C3orf20: variants seen among roughly 807,000 people sequenced by gnomAD.
C3orf20 encodes family with sequence similarity 149 member C.
A neutral mutation model predicts 88.3 loss-of-function variants in C3orf20; 76 were observed. That is an observed-to-expected ratio of 0.86 (90% CI 0.72 to 1.04). The LOEUF (loss-of-function observed/expected upper bound fraction) is 1.04. C3orf20 is among the 50% of genes least tolerant of loss of function. The probability of loss-of-function intolerance (pLI) is 0.00; values close to 1 mark genes in which losing one functional copy is unlikely to be tolerated. For synonymous variants in C3orf20, 436 were observed against 437.4 expected, an observed-to-expected ratio of 1.00 and a Z score of 0.04; for missense variants, 1,056 against 1,123.3, an observed-to-expected ratio of 0.94 and a Z score of 0.86.
chr3:14,759,973 A>G lies in C3orf20; in HGVS notation c.2327A>G (p.Asn776Ser), dbSNP rs2035507715. ...GACCCTCCCCTGATGGTGAAGAAGA[A>G]CTCTGTGGTGCAGGGGATGATTCTG... Reference protein sequence around the residue: ...QEDPPLMVKKNSVVQGMILMF... With the variant: ...QEDPPLMVKKSSVVQGMILMF... The change falls in exon 14 of 17, where the codon AAC (asparagine) becomes AGC (serine). Residue 776 changes from asparagine (N) to serine (S), a missense_variant. Transcript: ENST00000253697. 3 of 1,613,828 alleles carry G rather than the reference A, an allele frequency of 1.9e-6. No homozygotes were observed. In the African/African-American group the frequency reaches 4.0e-5, roughly 22 times the overall value.
intron 10 of C3orf20, among the ~76,000 whole-genome samples, chr3:14,723,625 C>T (rs745484722): frequency 2.0e-5 from 3 of 152,154 alleles, no homozygotes; most frequent in Non-Finnish European, 4.4e-5. Context: ...CGGAGAAACA[C>T]AGGTGCCTGT....
chr3:14,757,029 G>A (rs2035394322), intron 12 of C3orf20, among the ~76,000 whole-genome samples: 1 of 152,176 alleles, frequency 6.6e-6, no homozygotes, highest in Admixed American at 6.5e-5. Flanking sequence ...GAGGAAAAGT[G>A]GTCAGATTGT....
chr3:14,704,648 C>T (rs943411852), intron 7 of C3orf20, 30 bp downstream of exon 7: 1 of 1,603,994 alleles, frequency 6.2e-7, no homozygotes, highest in African/African-American at 1.3e-5. Flanking sequence ...CACCCTATCT[C>T]CCCAGCTACT....
At chr3:14,764,616 A>G (rs2035652242) in intron 15 of C3orf20, among the ~76,000 whole-genome samples, 1 of 151,982 alleles carries the variant, frequency 6.6e-6, no homozygotes, top group African/African-American at 2.4e-5. Context: ...TCTGTCATAC[A>G]GTTACAGTCA....
rs182827311 is a variant in C3orf20, at chr3:14,728,323, C to G, written c.1691-116C>G. Reference sequence around the variant, plus strand: ...GGAGGTGCCGGAGAATCAATGAGAGCGGAGGGGAGGAGATGGGGGTGAGCC... The same window carrying G: ...GGAGGTGCCGGAGAATCAATGAGAGGGGAGGGGAGGAGATGGGGGTGAGCC... On this transcript the variant is annotated intron_variant, in intron 11 of 16. Coordinates refer to ENST00000253697, the MANE Select transcript of C3orf20 (RefSeq NM_032137.5). 6.2e-4 allele frequency: 766 copies of G among 1,228,218 alleles called. 12 individuals are homozygous for G. Among genetic ancestry groups the G allele is most frequent in the Non-Finnish European group, 5.6e-5 (48 of 855,258 alleles). 76.1% of individuals were successfully genotyped at this position (1,228,218 alleles called of 1,614,324 possible). A position where few individuals can be genotyped will look rare whatever the true frequency, so the allele number is the denominator to read the frequency against.
Position 14,726,884 on chromosome 3 carries a change from C to T in C3orf20, c.1567-17C>T, listed in dbSNP as rs1341851551. The T allele has an allele frequency of 3.7e-6, 6 of 1,613,802 alleles. No homozygotes were observed. Among genetic ancestry groups the T allele is most frequent in the South Asian group, 2.2e-5 (2 of 91,056 alleles). On this transcript the variant is annotated splice_polypyrimidine_tract_variant and intron_variant, in intron 10 of 16. Transcript: ENST00000253697. ...GAGGGGATGGTGACACCCGCCCTCC[C>T]CTTTGCCCCTCTCCAGCTGAACCGC... is the stretch of plus-strand genomic sequence containing the variant.
intron 13 of C3orf20, 43 bp downstream of exon 13, chr3:14,757,717 G>T (rs767311240): frequency 3.2e-6 from 5 of 1,563,128 alleles, no homozygotes; most frequent in Non-Finnish European, 4.3e-6. Context: ...GCCAGGGGCA[G>T]GGGTAGTGGG....
At chr3:14,743,186 G>A (rs1056976075) in intron 12 of C3orf20, among the ~76,000 whole-genome samples, 2 of 151,992 alleles carry the variant, frequency 1.3e-5, no homozygotes, top group Non-Finnish European at 2.9e-5. Context: ...AAGCAAGCTA[G>A]CTACTTCCTA....
At chr3:14,680,689 A>T (rs1398873384) in intron 1 of C3orf20, among the ~76,000 whole-genome samples, 1 of 152,266 alleles carries the variant, frequency 6.6e-6, no homozygotes, top group Admixed American at 6.5e-5. Context: ...TGTAAGATAT[A>T]TCTTCAAAAT....
In C3orf20 at chr3:14,721,744, C is replaced by T. The variant is rs199757799; in HGVS notation, c.1526C>T (p.Ser509Leu). The T allele has an allele frequency of 3.1e-4, 496 of 1,614,170 alleles. No homozygotes were observed. Among genetic ancestry groups the T allele is most frequent in the Middle Eastern group, 1.5e-3 (9 of 6,062 alleles). The change falls in exon 10 of 17, where the codon TCG (serine) becomes TTG (leucine). Residue 509 changes from serine (S) to leucine (L), a missense_variant. Ser to Leu is a moderately radical substitution (Grantham distance 145). Coordinates refer to ENST00000253697, the MANE Select transcript of C3orf20 (RefSeq NM_032137.5). ...AATGAGACAGTAACACTCACTGTGT[C>T]GGCCAACAATTGTCCCCATGGAATG... ...SLNETVTLTV[S>L]ANNCPHGMAY... is the part of the protein sequence containing the mutation.
At chr3:14,690,181 C>A (rs975992816) in intron 5 of C3orf20, 65 bp downstream of exon 5, 1 of 1,607,046 alleles carries the variant, frequency 6.2e-7, no homozygotes, top group African/African-American at 1.3e-5. Context: ...GATAGGTTTC[C>A]GTCTACCCTG....
intron 10 of C3orf20, among the ~76,000 whole-genome samples, chr3:14,724,507 G>C (rs2034280754): frequency 6.6e-6 from 1 of 152,318 alleles, no homozygotes; most frequent in East Asian, 1.9e-4. Flanking sequence ...GTCTAGAGCT[G>C]TGCTGTCCAA....
intron 12 of C3orf20, among the ~76,000 whole-genome samples, chr3:14,740,071 A>G (rs2034855456): frequency 6.6e-6 from 1 of 152,266 alleles, no homozygotes; most frequent in Non-Finnish European, 1.5e-5. Context: ...TCCTTCATGA[A>G]CTTTTTCTTT....
chr3:14,693,902 G>C (rs1449123122), intron 5 of C3orf20, among the ~76,000 whole-genome samples: 1 of 152,104 alleles, frequency 6.6e-6, no homozygotes, highest in East Asian at 1.9e-4. Flanking sequence ...TATCATGAAG[G>C]GATGTTGAAT....
rs1165851672 is a variant in C3orf20 at position 14,772,932 on chromosome 3, T to C, written c.*57T>C. ...CCCCGGCCCGGGGTGCTGGGGCTTC[T>C]TGCCAGCCCAGCCCTGCCTCCCCGG... is the stretch of plus-strand genomic sequence containing the variant. On this transcript the variant is annotated 3_prime_UTR_variant, in exon 17 of 17. Coordinates refer to ENST00000253697, the MANE Select transcript of C3orf20 (RefSeq NM_032137.5). The surrounding 1 kb of genome is among the most constrained non-coding windows in gnomAD (Gnocchi z 4.2). The C allele has an allele frequency of 5.1e-6, 7 of 1,362,922 alleles. No individual in the cohort carries two copies. Among genetic ancestry groups the C allele is most frequent in the Non-Finnish European group, 6.3e-6 (6 of 954,340 alleles). The allele number at this position is 1,362,922 out of a possible 1,614,324, so 84.4% of individuals were successfully genotyped here. A position where few individuals can be genotyped will look rare whatever the true frequency, so the allele number is the denominator to read the frequency against.
chr3:14,739,531 A>G (rs114767208), intron 12 of C3orf20, among the ~76,000 whole-genome samples: 3,619 of 152,300 alleles, frequency 0.024, 68 homozygotes, highest in Non-Finnish European at 0.034. Flanking sequence ...AGAATGGTAA[A>G]TGAGCATTGG....
intron 7 of C3orf20, among the ~76,000 whole-genome samples, chr3:14,710,441 A>G (rs1293149020): frequency 1.3e-5 from 2 of 152,004 alleles, no homozygotes; most frequent in Non-Finnish European, 2.9e-5. Flanking sequence ...AAATTGGGTT[A>G]TTGATTTGAG....
intron 5 of C3orf20, among the ~76,000 whole-genome samples, chr3:14,700,328 T>C (rs2033200339): frequency 6.6e-6 from 1 of 152,194 alleles, no homozygotes; most frequent in Non-Finnish European, 1.5e-5. Context: ...TGGCCATCTT[T>C]CCCCACTCCT....
intron 4 of C3orf20, among the ~76,000 whole-genome samples, chr3:14,685,502 GTGTGTGTGTA>G (rs1423230084): frequency 1.3e-5 from 2 of 148,878 alleles, no homozygotes; most frequent in South Asian, 2.1e-4. Context: ...GCGTGTGTGT[GTGTGTGTGTA>G]TGTGTGTTAA....
Sources: allele counts gnomAD v4.1 joint callset (sites outside exome capture counted in the v4.1 genomes callset), GRCh38; gene constraint gnomAD v4.1.1; non-coding constraint Gnocchi (gnomAD v3.1); transcripts MANE v1.5; gene names NCBI Gene and HGNC (gene_info 2026-07-23, HGNC 2026-07-21).